Variants in GRM5 observed in about 807,000 individuals in gnomAD.
GRM5 encodes glutamate metabotropic receptor 5.
Under a neutral mutation model 83.1 loss-of-function variants are expected in GRM5, and 19 were observed. That is an observed-to-expected ratio of 0.23 (90% confidence interval 0.16 to 0.34). GRM5 has a LOEUF of 0.34. GRM5 is among the 10% of genes least tolerant of loss of function. The pLI is 1.00. For synonymous variants in GRM5, 675 were observed against 633.6 expected (o/e 1.07, Z -0.98); for missense variants, 1,160 against 1,588.3 (o/e 0.73, Z 4.58).
intron 9 of GRM5, among the ~76,000 whole-genome samples, chr11:88,519,892 A>AT (rs1941632025): frequency 6.6e-6 from 1 of 152,112 alleles, no homozygotes; most frequent in Non-Finnish European, 1.5e-5. Flanking sequence ...AATTCCATTT[A>AT]TTTTTCACAG....
At chr11:88,981,205 A>C (rs1283614287) in intron 2 of GRM5, among the ~76,000 whole-genome samples, 2 of 152,132 alleles carry the variant, frequency 1.3e-5, no homozygotes, top group Non-Finnish European at 2.9e-5. Flanking sequence ...TATGCCATAC[A>C]CTTTGTTAAT....
chr11:88,918,916 C>A (rs1250734691), intron 2 of GRM5, among the ~76,000 whole-genome samples: 2 of 150,314 alleles, frequency 1.3e-5, no homozygotes, highest in African/African-American at 2.4e-5. Context: ...AAATAAAAAT[C>A]AAAAAATTAA....
At chr11:88,652,868 ATAGT>A (rs766363355) in intron 4 of GRM5, among the ~76,000 whole-genome samples, 25 of 152,240 alleles carry the variant, frequency 1.6e-4, no homozygotes, top group Non-Finnish European at 3.2e-4. Context: ...GATGTCAGAA[ATAGT>A]TCCATTCTGG....
chr11:88,663,294 A>G, intron 3 of GRM5, among the ~76,000 whole-genome samples: 1 of 152,164 alleles, frequency 6.6e-6, no homozygotes, highest in East Asian at 1.9e-4. Flanking sequence ...GATGGCAGGC[A>G]TTATCTCCTC....
intron 4 of GRM5, among the ~76,000 whole-genome samples, chr11:88,622,887 C>A (rs933370019): frequency 6.6e-6 from 1 of 151,994 alleles, no homozygotes; most frequent in Non-Finnish European, 1.5e-5. Flanking sequence ...GTTGTGTAAT[C>A]CCGGGCAAGT....
At chr11:88,967,273 AT>A (rs1565313038) in intron 2 of GRM5, among the ~76,000 whole-genome samples, 31 of 119,406 alleles carry the variant, frequency 2.6e-4, no homozygotes, top group African/African-American at 9.8e-4. Flanking sequence ...ATATATATAT[AT>A]ATAAAATCTT....
intron 3 of GRM5, among the ~76,000 whole-genome samples, chr11:88,789,946 C>T (rs1223118493): frequency 6.6e-6 from 1 of 152,098 alleles, no homozygotes. Flanking sequence ...CCTCTGCCTC[C>T]CGGGTTCAAG....
intron 2 of GRM5, among the ~76,000 whole-genome samples, chr11:88,987,734 C>A (rs939783583): frequency 1.3e-5 from 2 of 151,838 alleles, no homozygotes; most frequent in African/African-American, 4.8e-5. Context: ...TGGGAGGCAC[C>A]CCCCAGCAGG....
At chr11:88,897,041 G>A (rs1415561352) in intron 2 of GRM5, among the ~76,000 whole-genome samples, 1 of 151,814 alleles carries the variant, frequency 6.6e-6, no homozygotes, top group Non-Finnish European at 1.5e-5. Context: ...CAAACGAACT[G>A]CCCAACTAGT....
chr11:88,724,206 CTGCCACTG>C (rs1348883682), intron 3 of GRM5, among the ~76,000 whole-genome samples: 1 of 152,168 alleles, frequency 6.6e-6, no homozygotes, highest in Non-Finnish European at 1.5e-5. Context: ...TGTTACTAAT[CTGCCACTG>C]AGCCTAAGCA....
At chr11:88,953,129 T>C (rs1468658879) in intron 2 of GRM5, among the ~76,000 whole-genome samples, 1 of 152,218 alleles carries the variant, frequency 6.6e-6, no homozygotes, top group Non-Finnish European at 1.5e-5. Flanking sequence ...CTAGATCAAA[T>C]TTATTGCAGC....
chr11:88,923,778 C>A (rs1385501733), intron 2 of GRM5, among the ~76,000 whole-genome samples: 2 of 151,352 alleles, frequency 1.3e-5, no homozygotes, highest in Non-Finnish European at 2.9e-5. Flanking sequence ...GATTATTATG[C>A]ATTGTATCCA....
chr11:88,717,438 ACCC>A (rs1379357900), intron 3 of GRM5, among the ~76,000 whole-genome samples: 2 of 151,858 alleles, frequency 1.3e-5, no homozygotes, highest in African/African-American at 4.8e-5. Context: ...TTTCATAAAA[ACCC>A]TATATACTAG....
At chr11:88,800,988 T>C (rs1565237306) in intron 3 of GRM5, among the ~76,000 whole-genome samples, 1 of 152,150 alleles carries the variant, frequency 6.6e-6, no homozygotes. Context: ...AAATAAAATA[T>C]ATAGGATTGT....
intron 2 of GRM5, among the ~76,000 whole-genome samples, chr11:88,972,362 T>C (rs1271614799): frequency 1.3e-5 from 2 of 152,178 alleles, no homozygotes; most frequent in African/African-American, 2.4e-5. Context: ...CTGACTGAAA[T>C]TGGCCAGAAG....
chr11:88,744,677 C>G (rs1464129777), intron 3 of GRM5, among the ~76,000 whole-genome samples: 2 of 152,108 alleles, frequency 1.3e-5, no homozygotes, highest in African/African-American at 4.8e-5. Context: ...CACCATGATG[C>G]CTTCCTAAAA....
At chr11:88,963,379 CCATA>C (rs1938843315) in intron 2 of GRM5, among the ~76,000 whole-genome samples, 1 of 152,172 alleles carries the variant, frequency 6.6e-6, no homozygotes, top group Admixed American at 6.5e-5. Flanking sequence ...GCCTCACTAA[CCATA>C]CAGTTAGTTA....
At chr11:88,869,704 T>G (rs1377630442) in intron 2 of GRM5, among the ~76,000 whole-genome samples, 2 of 151,558 alleles carry the variant, frequency 1.3e-5, no homozygotes, top group Admixed American at 6.6e-5. Flanking sequence ...AGAGAATCAC[T>G]TTATTCCTTG....
At chr11:88,791,753 T>G (rs554591381) in intron 3 of GRM5, among the ~76,000 whole-genome samples, 1 of 152,270 alleles carries the variant, frequency 6.6e-6, no homozygotes, top group South Asian at 2.1e-4. Flanking sequence ...GCATACAAGT[T>G]TGTGGCATAA....
Sources: allele counts gnomAD v4.1 joint callset (sites outside exome capture counted in the v4.1 genomes callset), GRCh38; gene constraint gnomAD v4.1.1; transcripts MANE v1.5; gene names NCBI Gene and HGNC (gene_info 2026-07-23, HGNC 2026-07-21).